CRISPLD2: variants seen among roughly 807,000 people sequenced by gnomAD.
CRISPLD2 encodes the protein cysteine-rich secretory protein LCCL domain-containing 2.
Under a neutral mutation model 71.1 loss-of-function variants are expected in CRISPLD2, and 47 were observed. That is an observed-to-expected ratio of 0.66 (90% CI 0.52 to 0.84). The LOEUF (loss-of-function observed/expected upper bound fraction) is 0.84. CRISPLD2 is among the 40% of genes least tolerant of loss of function. The pLI is 0.00. For synonymous variants in CRISPLD2, 317 were observed against 250.1 expected, an observed-to-expected ratio of 1.27 and a Z score of -2.52; for missense variants, 830 against 651.1, an observed-to-expected ratio of 1.27 and a Z score of -2.99.
chr16:84,844,771 C>T (rs1370160592), intron 2 of CRISPLD2, among the ~76,000 whole-genome samples: 1 of 152,188 alleles, frequency 6.6e-6, no homozygotes, highest in Non-Finnish European at 1.5e-5. Flanking sequence ...AAATCCCCTG[C>T]AGGGGCCCTC....
rs2071832073 is a variant in CRISPLD2, at chr16:84,909,310, C to CT, written c.*2674dup. On this transcript the variant is annotated 3_prime_UTR_variant, in exon 15 of 15. Transcript: ENST00000262424. Reference sequence around the variant, plus strand: ...ACTCAGCCCGCAGTTTATGTGTGTGCTTTTTTCTATGAAAAATGATGTATT... The same window carrying CT: ...ACTCAGCCCGCAGTTTATGTGTGTGCTTTTTTTCTATGAAAAATGATGTATT... 1 of 152,528 alleles carries CT rather than the reference C, an allele frequency of 6.6e-6. No homozygotes were observed. Among genetic ancestry groups the CT allele is most frequent in the South Asian group, 2.1e-4 (1 of 4,826 alleles). 9.4% of individuals were successfully genotyped at this position (152,528 alleles called of 1,614,324 possible).
At chr16:84,875,333 G>A (rs1185468104) in intron 11 of CRISPLD2, among the ~76,000 whole-genome samples, 1 of 151,422 alleles carries the variant, frequency 6.6e-6, no homozygotes, top group Non-Finnish European at 1.5e-5. Flanking sequence ...CACAGCCCAT[G>A]GGCTGCATGT....
Position 84,891,572 on chromosome 16 carries a change from C to T in CRISPLD2, c.1439+2209C>T, listed in dbSNP as rs186548210. Reference sequence around the variant, plus strand: ...AGCTGATTAGGAGGAATTTCCTGGCCGGGCTGGAAAGAAATCCCAGGACAT... The same window carrying T: ...AGCTGATTAGGAGGAATTTCCTGGCTGGGCTGGAAAGAAATCCCAGGACAT... On this transcript the variant is annotated intron_variant, in intron 14 of 14. Transcript: ENST00000262424. 1.5e-4 allele frequency among the ~76,000 whole-genome samples: 23 copies of T among 152,320 alleles called. No homozygotes were observed. The East Asian group carries it at 2.7e-3, about 18-fold the overall frequency.
At position 84,898,669 on chromosome 16, in the gene CRISPLD2, C is replaced by T. The variant is rs75421100; in HGVS notation, c.1440-7919C>T. On this transcript the variant is annotated intron_variant, in intron 14 of 14. Coordinates refer to ENST00000262424, the MANE Select transcript of CRISPLD2 (RefSeq NM_031476.4). The stretch of plus-strand genomic sequence containing the variant: ...TTGCTACTTCTCACCCCACCCCAGA[C>T]TGTAAACTTCCTGAAGGCAAGAGCC... Among the ~76,000 whole-genome samples, 37 of 152,346 alleles carry T rather than the reference C, an allele frequency of 2.4e-4. No homozygotes were observed. The East Asian group carries it at 5.4e-3, about 22-fold the overall frequency.
chr16:84,879,097 C>T (rs1157369708), intron 12 of CRISPLD2, among the ~76,000 whole-genome samples: 4 of 152,198 alleles, frequency 2.6e-5, no homozygotes, highest in Non-Finnish European at 1.5e-5. Context: ...AGACTGCTTT[C>T]CCTTGACTGC....
At chr16:84,820,867 C>T (rs1043953727) in intron 1 of CRISPLD2, among the ~76,000 whole-genome samples, 1 of 152,044 alleles carries the variant, frequency 6.6e-6, no homozygotes, top group African/African-American at 2.4e-5. Context: ...GCGGAGGGCT[C>T]ACTCTGGAGT....
chr16:84,887,926 G>A (rs2071627339), intron 13 of CRISPLD2, among the ~76,000 whole-genome samples: 1 of 152,334 alleles, frequency 6.6e-6, no homozygotes, highest in South Asian at 2.1e-4. Flanking sequence ...TCAGACTTAA[G>A]GGACTTAATA....
chr16:84,826,342 A>T (rs989612388), intron 1 of CRISPLD2, among the ~76,000 whole-genome samples: 1 of 152,256 alleles, frequency 6.6e-6, no homozygotes, highest in African/African-American at 2.4e-5. Context: ...GCCCTTTGGC[A>T]CTTTGTGCTG....
chr16:84,872,060 A>G lies in CRISPLD2; in HGVS notation c.915-382A>G, dbSNP rs111660893. 8.1e-3 allele frequency among the ~76,000 whole-genome samples: 1,241 copies of G among 152,308 alleles called. 24 individuals carry two copies. Among genetic ancestry groups the G allele is most frequent in the African/African-American group, 0.029 (1,195 of 41,564 alleles). The stretch of plus-strand genomic sequence containing the variant: ...ACAAATTTTAAAAACAATACAGTGT[A>G]ACAACTATCTACATAGCGTTTACCT... On this transcript the variant is annotated intron_variant, in intron 8 of 14. Coordinates refer to ENST00000262424, the MANE Select transcript of CRISPLD2 (RefSeq NM_031476.4).
At chr16:84,836,526 C>T (rs1023797925) in intron 1 of CRISPLD2, 1 of 152,230 alleles carries the variant, frequency 6.6e-6, no homozygotes, top group Non-Finnish European at 1.5e-5. Context: ...AGCCAAGCCT[C>T]TCCTCTCCGC....
At chr16:84,822,505 G>T (rs1916253725) in intron 1 of CRISPLD2, among the ~76,000 whole-genome samples, 1 of 152,170 alleles carries the variant, frequency 6.6e-6, no homozygotes, top group African/African-American at 2.4e-5. Context: ...TGTGTGGGAG[G>T]TGTCTGCATG....
At position 84,849,647 on chromosome 16, in the gene CRISPLD2, C is replaced by T. The variant is rs1417877108; in HGVS notation, c.492+130C>T. The T allele has an allele frequency of 1.3e-5, 13 of 963,562 alleles. No homozygotes were observed. In the Admixed American group the frequency reaches 2.9e-4, roughly 22 times the overall value. The allele number at this position is 963,562 out of a possible 1,614,324, so 59.7% of individuals were successfully genotyped here. A position where few individuals can be genotyped will look rare whatever the true frequency, so the allele number is the denominator to read the frequency against. The stretch of plus-strand genomic sequence containing the variant: ...TGCCTTCATTTTTAAAAATTCAGTT[C>T]TATACAGAGTACAGCTGGGAGAAGA... On this transcript the variant is annotated intron_variant, in intron 4 of 14. Transcript: ENST00000262424.
intron 14 of CRISPLD2, among the ~76,000 whole-genome samples, chr16:84,893,990 T>G (rs1026531448): frequency 2.0e-5 from 3 of 152,206 alleles, no homozygotes; most frequent in African/African-American, 4.8e-5. Context: ...GTACTTTAAA[T>G]GTAGGGAATC....
intron 2 of CRISPLD2, chr16:84,841,998 T>G (rs902459280): frequency 3.3e-5 from 5 of 152,834 alleles, no homozygotes; most frequent in African/African-American, 1.2e-4. Flanking sequence ...GGGGCGGTAT[T>G]TGGGCGGGAG....
intron 1 of CRISPLD2, among the ~76,000 whole-genome samples, chr16:84,837,192 G>T (rs956810589): frequency 6.6e-6 from 1 of 152,190 alleles, no homozygotes. Context: ...TTGTCTTCTT[G>T]GGCCAATGAC....
intron 7 of CRISPLD2, among the ~76,000 whole-genome samples, 182 bp from the exon 8 acceptor site, chr16:84,868,669 A>G (rs190326354): frequency 1.4e-4 from 21 of 152,380 alleles, no homozygotes; most frequent in African/African-American, 4.3e-4. Context: ...CTGCTACTGT[A>G]AAGCGGTGGG....
chr16:84,855,713 C>T (rs1917220852), intron 6 of CRISPLD2, among the ~76,000 whole-genome samples: 2 of 152,190 alleles, frequency 1.3e-5, no homozygotes, highest in South Asian at 4.1e-4. Context: ...CCCTTGTCAA[C>T]TTGAACCCAT....
chr16:84,878,218 C>T (rs1219216715), intron 12 of CRISPLD2, among the ~76,000 whole-genome samples: 3 of 151,962 alleles, frequency 2.0e-5, no homozygotes, highest in Non-Finnish European at 2.9e-5. Flanking sequence ...AGCGAGACTC[C>T]GTCTCAAAAA....
chr16:84,836,469 G>A (rs1432260002), intron 1 of CRISPLD2: 3 of 152,132 alleles, frequency 2.0e-5, no homozygotes, highest in East Asian at 1.9e-4. Flanking sequence ...ACGCAGCCCC[G>A]GGCTCGGCTT....
Sources: gnomAD v4.1 joint callset for allele counts (sites outside exome capture counted in the v4.1 genomes callset) on GRCh38, gnomAD v4.1.1 for gene constraint, MANE v1.5 for transcripts, NCBI Gene and HGNC (gene_info 2026-07-23, HGNC 2026-07-21) for gene names.